The following PCDHA8 variants were observed in gnomAD, a reference collection of about 807,000 sequenced individuals.
The protein encoded by PCDHA8 is protocadherin alpha 8.
In PCDHA8, 53 loss-of-function variants were observed where a neutral mutation model predicts 61.8. The observed-to-expected ratio is 0.86, with a 90% CI of 0.69 to 1.08. PCDHA8 has a LOEUF of 1.08. PCDHA8 is among the 50% of genes least tolerant of loss of function. The pLI, the probability that PCDHA8 is intolerant of heterozygous loss-of-function variation, is 0.00. For synonymous variants in PCDHA8, 618 were observed against 556.6 expected (o/e 1.11, Z -1.55); for missense variants, 1,293 against 1,245.0 (o/e 1.04, Z -0.58).
At chr5:140,871,112 A>G (rs1554165130) in intron 1 of PCDHA8, 2 of 1,613,290 alleles carry the variant, frequency 1.2e-6, no homozygotes, top group Non-Finnish European at 1.7e-6. Context: ...TCGTTGGTGG[A>G]GAGCGGACAG....
At chr5:140,967,102 G>A (rs1279026258) in intron 1 of PCDHA8, 1 of 1,612,978 alleles carries the variant, frequency 6.2e-7, no homozygotes, top group African/African-American at 1.3e-5. Context: ...CGCTGTGTGA[G>A]CAGCGGCCTC....
chr5:140,856,428 A>T, intron 1 of PCDHA8: 1 of 1,598,400 alleles, frequency 6.3e-7, no homozygotes, highest in South Asian at 1.1e-5. Flanking sequence ...GACATTAACG[A>T]CAACCCGCCC....
intron 1 of PCDHA8, chr5:140,857,350 G>C: frequency 6.3e-7 from 1 of 1,598,502 alleles, no homozygotes; most frequent in Non-Finnish European, 8.6e-7. Context: ...CGCCTCCGCT[G>C]TGGGCCACGG....
At chr5:140,883,141 T>C (rs975281074) in intron 1 of PCDHA8, 5 of 1,614,092 alleles carry the variant, frequency 3.1e-6, no homozygotes, top group Non-Finnish European at 4.2e-6. Flanking sequence ...CAGTGGTATA[T>C]GCATTTACCA....
At chr5:140,951,751 C>T (rs1206749897) in intron 1 of PCDHA8, among the ~76,000 whole-genome samples, 2 of 152,112 alleles carry the variant, frequency 1.3e-5, no homozygotes, top group Non-Finnish European at 2.9e-5. Flanking sequence ...CCTCACCCTC[C>T]GCGAAATCTC....
intron 1 of PCDHA8, among the ~76,000 whole-genome samples, chr5:140,930,655 C>T (rs1554207993): frequency 6.6e-6 from 1 of 152,110 alleles, no homozygotes; most frequent in Non-Finnish European, 1.5e-5. Context: ...TGAAGCATTC[C>T]TTGTTTTACT....
At chr5:140,888,321 A>G (rs2061786627) in intron 1 of PCDHA8, among the ~76,000 whole-genome samples, 1 of 152,176 alleles carries the variant, frequency 6.6e-6, no homozygotes, top group Non-Finnish European at 1.5e-5. Flanking sequence ...ATGCCTGGAT[A>G]CATTTTTGGT....
intron 1 of PCDHA8, among the ~76,000 whole-genome samples, chr5:140,898,221 T>C (rs1238265746): frequency 6.6e-6 from 1 of 152,230 alleles, no homozygotes; most frequent in South Asian, 2.1e-4. Flanking sequence ...ATTTTGGCTT[T>C]TGTTGCCATT....
At position 140,980,684 on chromosome 5, in the gene PCDHA8, GA is replaced by G. The variant is rs782726576; in HGVS notation, c.2453+1687del. 1.5e-4 allele frequency among the ~76,000 whole-genome samples: 22 copies of G among 145,136 alleles called. No individual in the cohort carries two copies. In the East Asian group the frequency reaches 2.6e-3, roughly 17 times the overall value. ...AACTTCCTTATCCCATTTTCAAATT[GA>G]AAAAAAAAAGCCAAATGTGCTCCTA... On this transcript the variant is annotated intron_variant, in intron 2 of 3. Transcript: ENST00000531613.
intron 1 of PCDHA8, chr5:140,877,810 C>G (rs782370638): frequency 3.1e-6 from 5 of 1,610,364 alleles, no homozygotes; most frequent in Admixed American, 3.4e-5. Context: ...TCAGCTGTCT[C>G]GAGAAGATTG....
At chr5:140,883,959 C>T (rs782366148) in intron 1 of PCDHA8, 4 of 1,613,092 alleles carry the variant, frequency 2.5e-6, no homozygotes, top group Admixed American at 3.3e-5. Context: ...AACGCTCCGG[C>T]GCTGCTGACG....
chr5:141,008,642 T>C (rs1554261860), intron 3 of PCDHA8, among the ~76,000 whole-genome samples: 1 of 152,212 alleles, frequency 6.6e-6, no homozygotes, highest in Non-Finnish European at 1.5e-5. Flanking sequence ...AACAATTTCT[T>C]CTTCTGGAGT....
rs1359107093 is a variant in PCDHA8, at chr5:140,841,772, C to G, written c.451C>G (p.Arg151Gly). 1.2e-6 allele frequency: 2 copies of G among 1,613,876 alleles called. No individual in the cohort carries two copies. Among genetic ancestry groups the G allele is most frequent in the Admixed American group, 3.3e-5 (2 of 59,994 alleles). Residue 151 changes from arginine (R) to glycine (G), a missense_variant, in exon 1 of 4, where the codon CGG (arginine) becomes GGG (glycine). Arg to Gly is a moderately radical substitution (Grantham distance 125). Coordinates refer to ENST00000531613, the MANE Select transcript of PCDHA8 (RefSeq NM_018911.3). ...TTCAGAATCCAGAATGCCAGACTCT[C>G]GGTTTCCGCTAGAGGGCGCGTCCGA... ...FVSESRMPDS[R>G]FPLEGASDAD...
At chr5:140,912,130 T>A (rs1554195167) in intron 1 of PCDHA8, among the ~76,000 whole-genome samples, 1 of 152,156 alleles carries the variant, frequency 6.6e-6, no homozygotes, top group Non-Finnish European at 1.5e-5. Flanking sequence ...GTCAGTCTAA[T>A]CTCTCCATGT....
chr5:140,844,090 A>G (rs1779217749), intron 1 of PCDHA8, among the ~76,000 whole-genome samples: 1 of 149,658 alleles, frequency 6.7e-6, no homozygotes. Context: ...CTGAACTCTT[A>G]ATCTTACTCC....
intron 1 of PCDHA8, among the ~76,000 whole-genome samples, chr5:140,904,631 G>A (rs150616068): frequency 0.029 from 4,338 of 152,074 alleles, 82 homozygotes; most frequent in Non-Finnish European, 0.044. Flanking sequence ...GTTCTTTAAG[G>A]AATCTCCACA....
At chr5:140,860,679 T>C (rs1465789150) in intron 1 of PCDHA8, 1 of 152,238 alleles carries the variant, frequency 6.6e-6, no homozygotes, top group Non-Finnish European at 1.5e-5. Flanking sequence ...AATGCACTTA[T>C]GTTTTGAGCG....
intron 1 of PCDHA8, among the ~76,000 whole-genome samples, chr5:140,908,751 C>T (rs1302522906): frequency 6.6e-6 from 1 of 152,170 alleles, no homozygotes; most frequent in Non-Finnish European, 1.5e-5. Context: ...GCAACTTGCA[C>T]ACAGCCTGGA....
chr5:140,960,708 T>C (rs578004240), intron 1 of PCDHA8, among the ~76,000 whole-genome samples: 1 of 152,142 alleles, frequency 6.6e-6, no homozygotes, highest in Non-Finnish European at 1.5e-5. Context: ...TAGTGCCAAA[T>C]ACTCATCTTA....
Sources: allele counts gnomAD v4.1 joint callset (sites outside exome capture counted in the v4.1 genomes callset), GRCh38; gene constraint gnomAD v4.1.1; transcripts MANE v1.5; gene names NCBI Gene and HGNC (gene_info 2026-07-23, HGNC 2026-07-21).